TFR2: variants seen among roughly 807,000 people sequenced by gnomAD.
TFR2 encodes the protein transferrin receptor protein 2.
Under a neutral mutation model 91.9 loss-of-function variants are expected in TFR2, and 64 were observed. The ratio of observed to expected loss-of-function variants is 0.70; its 90% CI spans 0.57 to 0.86. The LOEUF (loss-of-function observed/expected upper bound fraction) is 0.86. Among genes scored for constraint, TFR2 ranks in the 40% least tolerant of loss-of-function variants. TFR2 has a pLI of 0.00. For missense variants in TFR2, 950 were observed against 1,080.5 expected (o/e 0.88, Z 1.69); for synonymous variants, 454 against 459.6 (o/e 0.99, Z 0.15).
intron 3 of TFR2, among the ~76,000 whole-genome samples, chr7:100,635,421 C>A (rs12705079): frequency 0.12 from 15,466 of 128,394 alleles, 926 homozygotes; most frequent in South Asian, 0.16. Flanking sequence ...TTTTATTTTT[C>A]TTTTTTAAAA....
chr7:100,641,228 G>T lies in TFR2; in HGVS notation c.34C>A (p.Gln12Lys). The T allele has an allele frequency of 6.5e-7, 1 of 1,537,826 alleles. No homozygotes were observed. Among genetic ancestry groups the T allele is most frequent in the Non-Finnish European group, 8.8e-7 (1 of 1,139,796 alleles). The part of the protein sequence containing the change: ...ERLWGLFQRA[Q>K]QLSPRSSQTV... ...TGAGAGGATCTTGGGGACAGTTGTT[G>T]CTGTGCAGGCGAGGTGGGCATGAGA... The change falls in exon 2 of 18, where the codon CAA (glutamine) becomes AAA (lysine). Residue 12 changes from glutamine (Q) to lysine (K), a missense_variant and splice_region_variant. Physicochemically the swap from Gln to Lys is moderately conservative, Grantham distance 53. Transcript: ENST00000223051.
rs771540356 is a variant in TFR2 at position 100,627,898 on chromosome 7, T to C, written c.1605+9A>G. On this transcript the variant is annotated intron_variant, in intron 13 of 17. Transcript: ENST00000223051. ...TCCCCTTCACCCCCTATTCCTGGGG[T>C]GCTCTTGCCTGCTTCAGGACACTCT... 9.9e-6 allele frequency: 16 copies of C among 1,613,982 alleles called. No individual in the cohort carries two copies. Among genetic ancestry groups the C allele is most frequent in the Non-Finnish European group, 1.0e-5 (12 of 1,179,966 alleles).
rs1803359780 is a variant in TFR2, at chr7:100,629,239, G to A, written c.1390+14C>T. On this transcript the variant is annotated intron_variant, in intron 10 of 17. Transcript: ENST00000223051. ...GCTGCCTAGCCCAGGCCCAGGCCCT[G>A]GCCCTGACCTTACCGTTGCTCACCA... 6.2e-7 allele frequency: 1 copy of A among 1,613,400 alleles called. No individual in the cohort carries two copies. The highest frequency in any genetic ancestry group is 8.5e-7 in the Non-Finnish European group (1 of 1,179,568).
In TFR2 at chr7:100,640,852, CGACG is replaced by C; in HGVS notation, c.303_306del (p.Tyr101Ter). 6.2e-7 allele frequency: 1 copy of C among 1,614,102 alleles called. No individual in the cohort carries two copies. The highest frequency in any genetic ancestry group is 8.5e-7 in the Non-Finnish European group (1 of 1,180,028). On this transcript the variant is annotated frameshift_variant, in exon 3 of 18. Coordinates refer to ENST00000223051, the MANE Select transcript of TFR2 (RefSeq NM_003227.4). LOFTEE classifies it high-confidence loss of function. Reference sequence around the variant, plus strand: ...CACGCCTGGCAGGACCCTCGGAAGGCGACGTAGCCCAGTAGGAAGGCTGGCGGGT... The same window carrying C: ...CACGCCTGGCAGGACCCTCGGAAGGCTAGCCCAGTAGGAAGGCTGGCGGGT...
chr7:100,633,025 C>A lies in TFR2; in HGVS notation c.825G>T (p.Val275=), dbSNP rs780798756. 4 of 1,613,822 alleles carry A rather than the reference C, an allele frequency of 2.5e-6. No individual in the cohort carries two copies. In the South Asian group the frequency reaches 3.3e-5, roughly 13 times the overall value. ...CCTTCTGGGCGAAGCTGATCACCCC[C>A]ACGCGCACCAGCAGCAGGCGGCCCA... is the stretch of plus-strand genomic sequence containing the variant. ...DPVGRLLLVR[V]GVISFAQKVT... is the part of the protein sequence containing the mutation. Residue 275 remains valine, a synonymous_variant, in exon 6 of 18, where the codon GTG becomes GTT. Coordinates refer to ENST00000223051, the MANE Select transcript of TFR2 (RefSeq NM_003227.4).
intron 17 of TFR2, among the ~76,000 whole-genome samples, chr7:100,621,806 C>T (rs1161459760): frequency 2.0e-5 from 3 of 152,134 alleles, no homozygotes; most frequent in East Asian, 1.9e-4. Context: ...GCTGCTGTTC[C>T]GTCTTTCCTG....
chr7:100,630,773 C>T (rs1803408667), intron 9 of TFR2, 116 bp downstream of exon 9: 9 of 1,459,832 alleles, frequency 6.2e-6, no homozygotes, highest in Non-Finnish European at 7.5e-6. Flanking sequence ...CCTCTGGGCA[C>T]CACTCCTGTC....
chr7:100,641,522 TCCTGAAG>T lies in TFR2; in HGVS notation c.-20_-14del. 6.2e-7 allele frequency: 1 copy of T among 1,613,648 alleles called. No individual in the cohort carries two copies. Among genetic ancestry groups the T allele is most frequent in the Non-Finnish European group, 8.5e-7 (1 of 1,179,830 alleles). ...AAAGCCGCTCCATGCTTGTGTCCCC[TCCTGAAG>T]CCTGCAGGCTGTCCCCCAGCGATAA... On this transcript the variant is annotated 5_prime_UTR_variant, in exon 1 of 18. Transcript: ENST00000223051.
Position 100,631,887 on chromosome 7 carries a change from TG to T in TFR2, c.1024del (p.Gln342SerfsTer27). On this transcript the variant is annotated frameshift_variant, in exon 8 of 18. Transcript: ENST00000223051. LOFTEE classifies it high-confidence loss of function. ...TPGFPSFNQT[Q>X]FPPVASSGLP... is the part of the protein sequence containing the mutation. Reference sequence around the variant, plus strand: ...GCCTGATGATGCAACTGGAGGGAACTGGGTTTGATTGAAGGAAGGGAAGCCA... The same window carrying T: ...GCCTGATGATGCAACTGGAGGGAACTGGTTTGATTGAAGGAAGGGAAGCCA... 6.2e-7 allele frequency: 1 copy of T among 1,613,948 alleles called. No homozygotes were observed.
chr7:100,621,943 C>T (rs1178195353), intron 17 of TFR2, among the ~76,000 whole-genome samples: 1 of 152,172 alleles, frequency 6.6e-6, no homozygotes, highest in African/African-American at 2.4e-5. Flanking sequence ...AAAGTTCCAC[C>T]TCCCTCTTCT....
chr7:100,634,290 C>T (rs775731820), intron 3 of TFR2, among the ~76,000 whole-genome samples: 30 of 152,104 alleles, frequency 2.0e-4, no homozygotes, highest in Non-Finnish European at 3.7e-4. Flanking sequence ...CCCCCATCCT[C>T]CACGTGGGCC....
At chr7:100,628,390 G>C in intron 10 of TFR2, 84 bp from the exon 11 acceptor site, 1 of 1,358,248 alleles carries the variant, frequency 7.4e-7, no homozygotes, top group Non-Finnish European at 1.0e-6. Flanking sequence ...TGGTCCCCCA[G>C]GGTCTCTGTT....
intron 3 of TFR2, among the ~76,000 whole-genome samples, chr7:100,636,917 A>G (rs1357994868): frequency 3.3e-5 from 5 of 152,156 alleles, no homozygotes; most frequent in East Asian, 1.9e-4. Context: ...CTGTCAAACT[A>G]TCTACCTGCT....
intron 6 of TFR2, 52 bp from the exon 7 acceptor site, chr7:100,632,250 A>G (rs567000566): frequency 8.5e-6 from 13 of 1,532,740 alleles, no homozygotes; most frequent in Non-Finnish European, 1.1e-5. Flanking sequence ...CCCGATTCAT[A>G]AGGGCAGGAG....
In TFR2 at chr7:100,633,473, T is replaced by G. The variant is rs375882473; in HGVS notation, c.557A>C (p.Gln186Pro). 4 of 1,612,600 alleles carry G rather than the reference T, an allele frequency of 2.5e-6. No homozygotes were observed. The highest frequency in any genetic ancestry group is 3.4e-6 in the Non-Finnish European group (4 of 1,179,922). The change falls in exon 4 of 18, where the codon CAG becomes CCG. Residue 186 changes from glutamine to proline, a missense_variant. Coordinates refer to ENST00000223051, the MANE Select transcript of TFR2 (RefSeq NM_003227.4). ...GTCGGTCCACACGTGGTCCAGCTTC[T>G]GGCGGGAGAGCGCCGCGCGAATGTC... is the stretch of plus-strand genomic sequence containing the variant. Reference protein sequence around the residue: ...TQDIRAALSRQKLDHVWTDTH... With the variant: ...TQDIRAALSRPKLDHVWTDTH...
At chr7:100,633,755 C>G (rs1803519141) in intron 3 of TFR2, 199 bp from the exon 4 acceptor site, 2 of 879,334 alleles carry the variant, frequency 2.3e-6, no homozygotes, top group South Asian at 4.1e-5. Context: ...GTCGCCCAGG[C>G]TGGAGTGCAG....
chr7:100,629,469 G>A (rs537393233), intron 9 of TFR2, 97 bp from the exon 10 acceptor site: 19 of 1,591,042 alleles, frequency 1.2e-5, no homozygotes, highest in Middle Eastern at 1.7e-4. Context: ...TCACAATTCC[G>A]GCAACCCTAG....
chr7:100,639,121 G>T (rs1303280057), intron 3 of TFR2, among the ~76,000 whole-genome samples: 1 of 152,200 alleles, frequency 6.6e-6, no homozygotes, highest in African/African-American at 2.4e-5. Flanking sequence ...CAGCACTTTG[G>T]GAAGCCGAAG....
intron 9 of TFR2, 73 bp from the exon 10 acceptor site, chr7:100,629,445 T>G (rs1803366445): frequency 1.2e-6 from 2 of 1,604,240 alleles, no homozygotes; most frequent in Non-Finnish European, 1.7e-6. Context: ...CATCTGCCTG[T>G]GTCTCTCAGC....
Sources: gnomAD v4.1 joint callset for allele counts (sites outside exome capture counted in the v4.1 genomes callset) on GRCh38, gnomAD v4.1.1 for gene constraint, MANE v1.5 for transcripts, NCBI Gene and HGNC (gene_info 2026-07-23, HGNC 2026-07-21) for gene names.